Variants in PCDHA12 observed in about 807,000 individuals in gnomAD.
PCDHA12 encodes the protein protocadherin alpha-12.
Under a neutral mutation model 60.0 loss-of-function variants are expected in PCDHA12, and 44 were observed. The observed-to-expected ratio is 0.73, with a 90% CI of 0.58 to 0.94. PCDHA12 has a LOEUF of 0.94. Ranked by LOEUF, PCDHA12 falls within the 40% of genes least tolerant of loss-of-function variation. The probability of loss-of-function intolerance (pLI) is 0.00; values close to 1 mark genes in which losing one functional copy is unlikely to be tolerated. For missense variants in PCDHA12, 1,276 were observed against 1,239.7 expected (o/e 1.03, Z -0.44); for synonymous variants, 569 against 553.0 (o/e 1.03, Z -0.40).
At chr5:140,969,317 G>C in intron 1 of PCDHA12, 1 of 1,614,156 alleles carries the variant, frequency 6.2e-7, no homozygotes, top group African/African-American at 1.3e-5. Context: ...AAATGAGGCT[G>C]TTTCTCAAAA....
At chr5:140,921,534 G>A (rs1413381073) in intron 1 of PCDHA12, among the ~76,000 whole-genome samples, 3 of 152,130 alleles carry the variant, frequency 2.0e-5, no homozygotes, top group African/African-American at 7.2e-5. Context: ...TCTGCTGATA[G>A]AACATTCTGC....
Position 140,875,665 on chromosome 5 carries a change from C to A in PCDHA12, c.193C>A (p.Arg65=). 1 of 1,613,748 alleles carries A rather than the reference C, an allele frequency of 6.2e-7. No homozygotes were observed. Among genetic ancestry groups the A allele is most frequent in the Non-Finnish European group, 8.5e-7 (1 of 1,179,990 alleles). The part of the protein sequence containing the change: ...ELAELVPRLF[R]VASKRHGDLL... The stretch of plus-strand genomic sequence containing the variant: ...GGCGGAGCTGGTGCCGCGCCTGTTC[C>A]GGGTGGCGTCCAAAAGACACGGGGA... Residue 65 remains arginine, a synonymous_variant, in exon 1 of 4, where the codon CGG becomes AGG. Transcript: ENST00000398631.
At chr5:140,887,692 A>G (rs886236141) in intron 1 of PCDHA12, among the ~76,000 whole-genome samples, 1 of 152,126 alleles carries the variant, frequency 6.6e-6, no homozygotes, top group Non-Finnish European at 1.5e-5. Flanking sequence ...ATTCAGGAAA[A>G]AATCAACCAT....
intron 1 of PCDHA12, among the ~76,000 whole-genome samples, chr5:140,880,113 C>T (rs957295411): frequency 4.6e-5 from 7 of 152,220 alleles, no homozygotes; most frequent in Admixed American, 3.3e-4. Context: ...GAAGGATAGA[C>T]AACAGGAAGC....
intron 3 of PCDHA12, among the ~76,000 whole-genome samples, chr5:140,996,144 T>C (rs2097714056): frequency 6.6e-6 from 1 of 152,210 alleles, no homozygotes; most frequent in African/African-American, 2.4e-5. Context: ...TCCCATTATC[T>C]TGCCTTCCTT....
chr5:140,903,857 T>C (rs2070669832), intron 1 of PCDHA12, among the ~76,000 whole-genome samples: 1 of 152,172 alleles, frequency 6.6e-6, no homozygotes, highest in South Asian at 2.1e-4. Context: ...TAACAAATAA[T>C]ATAGAGTAAA....
chr5:140,996,531 G>A (rs782175834), intron 3 of PCDHA12, among the ~76,000 whole-genome samples: 1 of 152,146 alleles, frequency 6.6e-6, no homozygotes, highest in African/African-American at 2.4e-5. Context: ...GGCCCTGTGT[G>A]TTTTGATATT....
intron 1 of PCDHA12, chr5:140,929,268 AAT>A (rs782372972): frequency 7.4e-6 from 12 of 1,611,594 alleles, no homozygotes; most frequent in Non-Finnish European, 1.0e-5. Flanking sequence ...TGAATTTGCC[AAT>A]ATCCTGTATT....
At position 140,946,611 on chromosome 5, in the gene PCDHA12, A is replaced by AATATATATATATATATATATATATAT. The variant is rs1554217734; in HGVS notation, c.2368-32317_2368-32316insTATATATATATATATATATATATATA. Among the ~76,000 whole-genome samples, 847 of 86,186 alleles carry AATATATATATATATATATATATATAT rather than the reference A, an allele frequency of 9.8e-3. 28 individuals carry two copies. The highest frequency in any genetic ancestry group is 0.012 in the Non-Finnish European group (550 of 46,284). The allele number at this position is 86,186 out of a possible 152,430, so 56.5% of individuals were successfully genotyped here. ...GGATGAATAGATAAAGAAAATGTGA[A>AATATATATATATATATATATATATAT]ATATATATATATATATATATACAAT... On this transcript the variant is annotated intron_variant, in intron 1 of 3. Coordinates refer to ENST00000398631, the MANE Select transcript of PCDHA12 (RefSeq NM_018903.4).
intron 1 of PCDHA12, among the ~76,000 whole-genome samples, chr5:140,965,996 A>G (rs2095956267): frequency 6.6e-6 from 1 of 152,102 alleles, no homozygotes; most frequent in South Asian, 2.1e-4. Context: ...TGCAGTACTT[A>G]AGAGTGTCCA....
chr5:140,940,790 A>G (rs1337945408), intron 1 of PCDHA12, among the ~76,000 whole-genome samples: 3 of 152,176 alleles, frequency 2.0e-5, no homozygotes, highest in African/African-American at 7.2e-5. Context: ...TATCCTGAAA[A>G]TGATATTTGC....
chr5:140,916,732 C>A (rs2077701110), intron 1 of PCDHA12, among the ~76,000 whole-genome samples: 1 of 152,178 alleles, frequency 6.6e-6, no homozygotes, highest in South Asian at 2.1e-4. Flanking sequence ...TTTGTTGCTG[C>A]AAGCTTCACT....
At chr5:140,966,796 G>A (rs1255615650) in intron 1 of PCDHA12, 8 of 1,535,610 alleles carry the variant, frequency 5.2e-6, no homozygotes, top group African/African-American at 1.4e-5. Flanking sequence ...GACCTGCGGC[G>A]ACAGAGCATC....
rs2056504367 is a variant in PCDHA12, at chr5:140,876,687, C to CA, written c.1215_1216insA (p.Ser406IlefsTer17). Reference sequence around the variant, plus strand: ...TGGTGTCCACCTACAAGAATTACTACTCGTTGGTGCTGGACAGCGCCCTGG... The same window carrying CA: ...TGGTGTCCACCTACAAGAATTACTACATCGTTGGTGCTGGACAGCGCCCTGG... On this transcript the variant is annotated frameshift_variant, in exon 1 of 4. Coordinates refer to ENST00000398631, the MANE Select transcript of PCDHA12 (RefSeq NM_018903.4). LOFTEE classifies it high-confidence loss of function. The CA allele has an allele frequency of 1.2e-6, 2 of 1,614,212 alleles. No homozygotes were observed. The highest frequency in any genetic ancestry group is 1.7e-6 in the Non-Finnish European group (2 of 1,180,044).
At chr5:140,932,491 T>C (rs1041440008) in intron 1 of PCDHA12, among the ~76,000 whole-genome samples, 11 of 151,918 alleles carry the variant, frequency 7.2e-5, no homozygotes, top group Non-Finnish European at 1.6e-4. Flanking sequence ...CTCTTTGCAA[T>C]GTCATTTGTT....
chr5:140,956,243 C>T (rs2095270530), intron 1 of PCDHA12, among the ~76,000 whole-genome samples: 1 of 152,142 alleles, frequency 6.6e-6, no homozygotes, highest in African/African-American at 2.4e-5. Flanking sequence ...AAGGGGAATG[C>T]TTCCAGGTTT....
Position 140,922,465 on chromosome 5 carries a change from T to C in PCDHA12, c.2367+44626T>C, listed in dbSNP as rs116670359. ...CATTATCCTATTTGTCAACACAAAA[T>C]AGGAGAGAAGGCAGGACTAAATCTG... On this transcript the variant is annotated intron_variant, in intron 1 of 3. Transcript: ENST00000398631. Among the ~76,000 whole-genome samples the C allele has an allele frequency of 8.9e-3, 1,361 of 152,304 alleles. 16 individuals carry two copies. Among genetic ancestry groups the C allele is most frequent in the African/African-American group, 0.031 (1,303 of 41,562 alleles).
Position 140,927,631 on chromosome 5 carries a change from C to T in PCDHA12, c.2367+49792C>T, listed in dbSNP as rs760961070. 1.7e-5 allele frequency: 28 copies of T among 1,614,068 alleles called. No homozygotes were observed. In the Admixed American group the frequency reaches 2.5e-4, roughly 14 times the overall value. On this transcript the variant is annotated intron_variant, in intron 1 of 3. Coordinates refer to ENST00000398631, the MANE Select transcript of PCDHA12 (RefSeq NM_018903.4). ...CCGCACCAAGGTTCCAGAGACTGCA[C>T]CCAATGGGACTGTGTTATTCCGAGT...
chr5:140,993,939 T>C (rs1449633283), intron 3 of PCDHA12, among the ~76,000 whole-genome samples: 5 of 152,198 alleles, frequency 3.3e-5, no homozygotes, highest in Non-Finnish European at 7.3e-5. Context: ...ATATCCCCAT[T>C]GTTAAGTGAT....
Sources: allele counts gnomAD v4.1 joint callset (sites outside exome capture counted in the v4.1 genomes callset), GRCh38; gene constraint gnomAD v4.1.1; transcripts MANE v1.5; gene names NCBI Gene and HGNC (gene_info 2026-07-23, HGNC 2026-07-21).